MEGF6: variants seen among roughly 807,000 people sequenced by gnomAD.
The protein encoded by MEGF6 is multiple EGF like domains 6.
A neutral mutation model predicts 207.1 loss-of-function variants in MEGF6; 184 were observed. The observed-to-expected ratio is 0.89, with a 90% confidence interval of 0.79 to 1.00. MEGF6 has a LOEUF of 1.00. MEGF6 is among the 50% of genes least tolerant of loss of function. MEGF6 has a pLI of 0.00. For synonymous variants in MEGF6, 1,038 were observed against 910.0 expected, an observed-to-expected ratio of 1.14 and a Z score of -2.53; for missense variants, 2,282 against 2,202.9, an observed-to-expected ratio of 1.04 and a Z score of -0.72.
intron 4 of MEGF6, among the ~76,000 whole-genome samples, chr1:3,545,658 C>T (rs1642678078): frequency 6.6e-6 from 1 of 152,224 alleles, no homozygotes; most frequent in South Asian, 2.1e-4. Context: ...TCCGCCACCC[C>T]AGTGGAGCCC....
intron 4 of MEGF6, among the ~76,000 whole-genome samples, chr1:3,526,466 C>T (rs1291203636): frequency 3.3e-5 from 5 of 150,414 alleles, no homozygotes; most frequent in Admixed American, 2.0e-4. Flanking sequence ...GGTGCAACCT[C>T]GGCTCATTGC....
intron 3 of MEGF6, among the ~76,000 whole-genome samples, chr1:3,591,278 G>T (rs1176830152): frequency 2.0e-5 from 3 of 152,202 alleles, no homozygotes; most frequent in Non-Finnish European, 4.4e-5. Flanking sequence ...GGCAGGAAGA[G>T]ATATCCCAGA....
intron 4 of MEGF6, chr1:3,531,362 A>G: frequency 1.7e-6 from 2 of 1,186,828 alleles, no homozygotes; most frequent in Non-Finnish European, 2.1e-6. Context: ...GCGGGCGCGC[A>G]ATCCCAGCCC....
chr1:3,580,025 G>A, intron 3 of MEGF6, 96 bp from the exon 4 acceptor site: 3 of 829,200 alleles, frequency 3.6e-6, no homozygotes, highest in Non-Finnish European at 5.5e-6. Context: ...AGCCCACCCA[G>A]CCTGCCAGGT....
At chr1:3,499,948 C>T (rs778582609) in intron 21 of MEGF6, 24 bp from the exon 22 acceptor site, 4 of 1,539,506 alleles carry the variant, frequency 2.6e-6, no homozygotes, top group Admixed American at 3.9e-5. Context: ...CCCCGGCCCA[C>T]AGTCAGCCAG....
chr1:3,548,521 G>C (rs564849977), intron 4 of MEGF6, among the ~76,000 whole-genome samples: 46 of 152,380 alleles, frequency 3.0e-4, no homozygotes, highest in African/African-American at 1.1e-3. Context: ...CCAGGGGTCA[G>C]AGCCAAGGTG....
intron 4 of MEGF6, among the ~76,000 whole-genome samples, chr1:3,561,194 G>A (rs979052373): frequency 3.3e-5 from 5 of 152,222 alleles, no homozygotes; most frequent in East Asian, 1.9e-4. Context: ...TGCAGGCTTT[G>A]AGCTGAGCTC....
chr1:3,591,152 C>T (rs934522638), intron 3 of MEGF6, among the ~76,000 whole-genome samples: 2 of 152,334 alleles, frequency 1.3e-5, no homozygotes, highest in Admixed American at 6.5e-5. Flanking sequence ...AGCCGCGCCC[C>T]GCCCTCCTCG....
intron 4 of MEGF6, 125 bp downstream of exon 4, chr1:3,579,700 T>A (rs559824624): frequency 6.5e-4 from 383 of 586,428 alleles, no homozygotes; most frequent in Non-Finnish European, 7.8e-4. Flanking sequence ...CTCAGAAGAA[T>A]GCCCGTTCAC....
Position 3,497,234 on chromosome 1 carries a change from C to G in MEGF6, c.3480G>C (p.Gln1160His), listed in dbSNP as rs1333651747. The change falls in exon 27 of 37, where the codon CAG (glutamine) becomes CAC (histidine). Residue 1160 changes from glutamine to histidine, a missense_variant and splice_region_variant. Transcript: ENST00000356575. ...GGGTGGGGGCTTGGGAGCACCTACC[C>G]TGCTCGCAGCCGGAGCCAGTGAAGC... Reference protein sequence around the residue: ...PPGFTGSGCEQACPPGSFGED... With the variant: ...PPGFTGSGCEHACPPGSFGED... 6.7e-7 allele frequency: 1 copy of G among 1,503,604 alleles called. No individual in the cohort carries two copies. The highest frequency in any genetic ancestry group is 1.4e-5 in the African/African-American group (1 of 70,450). 93.1% of individuals were successfully genotyped at this position (1,503,604 alleles called of 1,614,324 possible).
intron 4 of MEGF6, among the ~76,000 whole-genome samples, chr1:3,534,044 G>T (rs761629554): frequency 2.0e-5 from 3 of 150,532 alleles, no homozygotes; most frequent in Admixed American, 6.6e-5. Flanking sequence ...CTGTCTCGAG[G>T]AGGAGGGAGG....
At position 3,608,595 on chromosome 1, in the gene MEGF6, G is replaced by A. The variant is rs114385603; in HGVS notation, c.131+2543C>T. On this transcript the variant is annotated intron_variant, in intron 1 of 36. Transcript: ENST00000356575. ...CACTGGCCATTTTTGTAGCACAGCT[G>A]CCCAGAGGGGACTCCATCAGAGAGA... Among the ~76,000 whole-genome samples, 553 of 152,308 alleles carry A rather than the reference G, an allele frequency of 3.6e-3. 6 individuals carry two copies. Among genetic ancestry groups the A allele is most frequent in the Middle Eastern group, 6.8e-3 (2 of 294 alleles).
chr1:3,525,447 G>A (rs1389898209), intron 4 of MEGF6, among the ~76,000 whole-genome samples: 2 of 152,246 alleles, frequency 1.3e-5, no homozygotes, highest in Non-Finnish European at 2.9e-5. Flanking sequence ...GGGCAGAGCA[G>A]CAGTCCAAGG....
At chr1:3,538,696 C>G (rs866167480) in intron 4 of MEGF6, among the ~76,000 whole-genome samples, 18 of 132,108 alleles carry the variant, frequency 1.4e-4, no homozygotes, top group East Asian at 1.0e-3. Flanking sequence ...GAGCATGTGC[C>G]TGTGTGTGTG....
At chr1:3,493,043 C>T (rs957555260) in intron 34 of MEGF6, 11 of 483,226 alleles carry the variant, frequency 2.3e-5, no homozygotes, top group South Asian at 5.8e-5. Flanking sequence ...GTTCCTGCCC[C>T]GCCCCAGGAG....
intron 3 of MEGF6, among the ~76,000 whole-genome samples, chr1:3,587,231 T>C (rs1329594772): frequency 6.6e-6 from 1 of 152,116 alleles, no homozygotes; most frequent in Non-Finnish European, 1.5e-5. Context: ...GACTCCGCGG[T>C]CATAACACCA....
chr1:3,508,144 C>A (rs1312987928), intron 13 of MEGF6, among the ~76,000 whole-genome samples: 2 of 152,180 alleles, frequency 1.3e-5, no homozygotes, highest in East Asian at 3.9e-4. Context: ...TCCTTCTGAA[C>A]CAGCTCTTTC....
chr1:3,609,211 C>A (rs1644293392), intron 1 of MEGF6, among the ~76,000 whole-genome samples: 1 of 152,180 alleles, frequency 6.6e-6, no homozygotes, highest in South Asian at 2.1e-4. Flanking sequence ...CCTTGCCCCA[C>A]CCCCGTACCA....
upstream of MEGF6, among the ~76,000 whole-genome samples, chr1:3,614,471 A>G (rs910786678): frequency 1.3e-5 from 2 of 152,248 alleles, no homozygotes; most frequent in African/African-American, 4.8e-5. Flanking sequence ...AGCAAAAAAT[A>G]AACTACGCAG....
Sources: allele counts gnomAD v4.1 joint callset (sites outside exome capture counted in the v4.1 genomes callset), GRCh38; gene constraint gnomAD v4.1.1; transcripts MANE v1.5; gene names NCBI Gene and HGNC (gene_info 2026-07-23, HGNC 2026-07-21).